LCLAT1: variants seen among roughly 807,000 people sequenced by gnomAD.
The protein encoded by LCLAT1 is 1-AGP acyltransferase 8.
In LCLAT1, 11 loss-of-function variants were observed where a neutral mutation model predicts 30.7. The ratio of observed to expected loss-of-function variants is 0.36; its 90% CI spans 0.23 to 0.59. The LOEUF (loss-of-function observed/expected upper bound fraction) is 0.59. Ranked by LOEUF, LCLAT1 falls within the 20% of genes least tolerant of loss-of-function variation. The probability of loss-of-function intolerance (pLI) is 0.77; values close to 1 mark genes in which losing one functional copy is unlikely to be tolerated. For synonymous variants in LCLAT1, 155 were observed against 151.3 expected, an observed-to-expected ratio of 1.02 and a Z score of -0.18; for missense variants, 402 against 458.6, an observed-to-expected ratio of 0.88 and a Z score of 1.13.
At chr2:30,480,779 C>T (rs532702730) in intron 1 of LCLAT1, among the ~76,000 whole-genome samples, 5 of 152,208 alleles carry the variant, frequency 3.3e-5, no homozygotes, top group African/African-American at 1.2e-4. Flanking sequence ...CGAGCTCTTT[C>T]AAAGTGTGCT....
At chr2:30,614,868 A>G (rs75785533) in intron 5 of LCLAT1, among the ~76,000 whole-genome samples, 26 of 152,100 alleles carry the variant, frequency 1.7e-4, no homozygotes, top group African/African-American at 6.3e-4. Flanking sequence ...TCCACAAAGA[A>G]GACTTCAGAG....
intron 1 of LCLAT1, among the ~76,000 whole-genome samples, chr2:30,520,505 A>G (rs1031838406): frequency 2.0e-5 from 3 of 152,286 alleles, no homozygotes; most frequent in African/African-American, 4.8e-5. Context: ...TTAAAGTTCC[A>G]GTTTTGTTAT....
At chr2:30,543,093 A>G (rs1263192247) in intron 3 of LCLAT1, among the ~76,000 whole-genome samples, 1 of 151,874 alleles carries the variant, frequency 6.6e-6, no homozygotes, top group East Asian at 1.9e-4. Flanking sequence ...GTATAATGCT[A>G]ACTGTAGATT....
At chr2:30,473,143 T>G (rs186294176) in intron 1 of LCLAT1, among the ~76,000 whole-genome samples, 8 of 152,198 alleles carry the variant, frequency 5.3e-5, no homozygotes, top group African/African-American at 1.4e-4. Context: ...ATTATGTGTA[T>G]AGGAAAATTA....
At chr2:30,613,386 A>C (rs551756405) in intron 5 of LCLAT1, among the ~76,000 whole-genome samples, 1 of 152,252 alleles carries the variant, frequency 6.6e-6, no homozygotes, top group East Asian at 1.9e-4. Flanking sequence ...TATTTGTAAT[A>C]ATGCAGGAAA....
intron 1 of LCLAT1, among the ~76,000 whole-genome samples, chr2:30,454,096 A>G (rs543799815): frequency 1.6e-4 from 24 of 152,342 alleles, no homozygotes; most frequent in South Asian, 4.1e-4. Flanking sequence ...GATTATTTCA[A>G]TGAGTATGCC....
In LCLAT1 at chr2:30,525,770, A is replaced by G; in HGVS notation, c.165+15A>G. The G allele has an allele frequency of 1.2e-6, 2 of 1,613,694 alleles. No individual in the cohort carries two copies. The highest frequency in any genetic ancestry group is 1.3e-5 in the African/African-American group (1 of 75,022). Reference sequence around the variant, plus strand: ...CCCTACCTGTGGTAAGTTACACACCAGAGGAGACTGTCTGCTTGTACTAGA... The same window carrying G: ...CCCTACCTGTGGTAAGTTACACACCGGAGGAGACTGTCTGCTTGTACTAGA... On this transcript the variant is annotated intron_variant, in intron 2 of 5. Transcript: ENST00000379509.
At chr2:30,625,411 A>G (rs1298454053) in intron 5 of LCLAT1, among the ~76,000 whole-genome samples, 1 of 152,182 alleles carries the variant, frequency 6.6e-6, no homozygotes, top group Non-Finnish European at 1.5e-5. Context: ...TATTACAACC[A>G]GGGCCATGGA....
At position 30,540,825 on chromosome 2, in the gene LCLAT1, C is replaced by A. The variant is rs564042142; in HGVS notation, c.364+7511C>A. On this transcript the variant is annotated intron_variant, in intron 3 of 5. Coordinates refer to ENST00000379509, the MANE Select transcript of LCLAT1 (RefSeq NM_001002257.3). Reference sequence around the variant, plus strand: ...GATTACAGGCGCCTGCCACCACGCCCGGCTACTTTTTGTATTTTAAGTAGA... The same window carrying A: ...GATTACAGGCGCCTGCCACCACGCCAGGCTACTTTTTGTATTTTAAGTAGA... Among the ~76,000 whole-genome samples, 3 of 152,008 alleles carry A rather than the reference C, an allele frequency of 2.0e-5. No individual in the cohort carries two copies. In the South Asian group the frequency reaches 6.3e-4, roughly 32 times the overall value.
intron 1 of LCLAT1, among the ~76,000 whole-genome samples, chr2:30,468,377 T>C (rs1322551714): frequency 5.3e-5 from 8 of 152,180 alleles, no homozygotes; most frequent in Admixed American, 1.3e-4. Flanking sequence ...AGTCAGGTAG[T>C]GTGATGCCTC....
At chr2:30,473,269 T>C (rs1464958326) in intron 1 of LCLAT1, among the ~76,000 whole-genome samples, 3 of 152,174 alleles carry the variant, frequency 2.0e-5, no homozygotes, top group Non-Finnish European at 4.4e-5. Flanking sequence ...TGTATGTGTG[T>C]ATACATATAT....
intron 5 of LCLAT1, among the ~76,000 whole-genome samples, chr2:30,622,442 GCCA>G (rs1458708320): frequency 1.4e-4 from 22 of 152,096 alleles, no homozygotes; most frequent in Non-Finnish European, 1.5e-5. Context: ...TCCTCCCTAT[GCCA>G]CCACAGCTGA....
chr2:30,613,562 A>T (rs377303312), intron 5 of LCLAT1, among the ~76,000 whole-genome samples: 1 of 148,228 alleles, frequency 6.7e-6, no homozygotes, highest in South Asian at 2.2e-4. Context: ...GAGACAAAGT[A>T]TAGAGAAAGA....
chr2:30,594,500 A>C (rs1159720833), intron 5 of LCLAT1, among the ~76,000 whole-genome samples: 1 of 152,052 alleles, frequency 6.6e-6, no homozygotes, highest in Non-Finnish European at 1.5e-5. Context: ...TTGTTTTCTT[A>C]ATTTGCATCA....
chr2:30,630,698 A>T lies in LCLAT1; in HGVS notation c.629-9419A>T, dbSNP rs138339148. On this transcript the variant is annotated intron_variant, in intron 5 of 5. Transcript: ENST00000379509. ...TAGGACTATCTGTAGTTTTTTATGA[A>T]CCCTGACTCTTCACCTGAGAGAAGT... Among the ~76,000 whole-genome samples the T allele has an allele frequency of 1.8e-3, 279 of 152,330 alleles. 3 individuals carry two copies. The East Asian group carries it at 0.03, about 16-fold the overall frequency.
At chr2:30,573,227 A>G (rs977167947) in intron 5 of LCLAT1, among the ~76,000 whole-genome samples, 14 of 152,078 alleles carry the variant, frequency 9.2e-5, no homozygotes, top group Admixed American at 9.2e-4. Flanking sequence ...TCTACCCCTT[A>G]AGGATCTCTC....
At chr2:30,536,199 T>G (rs986306587) in intron 3 of LCLAT1, among the ~76,000 whole-genome samples, 1 of 151,958 alleles carries the variant, frequency 6.6e-6, no homozygotes, top group African/African-American at 2.4e-5. Flanking sequence ...GAAGACGAGG[T>G]GAAAAAAGGC....
At chr2:30,577,010 T>A (rs1666018904) in intron 5 of LCLAT1, among the ~76,000 whole-genome samples, 1 of 151,628 alleles carries the variant, frequency 6.6e-6, no homozygotes, top group South Asian at 2.1e-4. Context: ...TACTTATTAA[T>A]GTTGAAAATT....
At chr2:30,523,328 T>C (rs1685564828) in intron 1 of LCLAT1, among the ~76,000 whole-genome samples, 2 of 151,648 alleles carry the variant, frequency 1.3e-5, no homozygotes, top group South Asian at 4.2e-4. Flanking sequence ...GAGGAGGACC[T>C]GAGCCTCAGA....
Sources: allele counts gnomAD v4.1 joint callset (sites outside exome capture counted in the v4.1 genomes callset), GRCh38; gene constraint gnomAD v4.1.1; transcripts MANE v1.5; gene names NCBI Gene and HGNC (gene_info 2026-07-23, HGNC 2026-07-21).